Variants in HNF4G observed in about 807,000 individuals in gnomAD.
HNF4G encodes the protein hepatocyte nuclear factor 4-gamma.
In HNF4G, 21 loss-of-function variants were observed where a neutral mutation model predicts 50.9. The observed-to-expected ratio is 0.41, with a 90% CI of 0.29 to 0.59. The LOEUF (loss-of-function observed/expected upper bound fraction) is 0.59. HNF4G is among the 20% of genes least tolerant of loss of function. The probability of loss-of-function intolerance (pLI) is 0.26; values close to 1 mark genes in which losing one functional copy is unlikely to be tolerated. For missense variants in HNF4G, 527 were observed against 559.4 expected (o/e 0.94, Z 0.58); for synonymous variants, 198 against 185.6 (o/e 1.07, Z -0.54).
chr8:75,424,530 C>T (rs1475073142), intron 1 of HNF4G, among the ~76,000 whole-genome samples: 1 of 152,146 alleles, frequency 6.6e-6, no homozygotes, highest in Non-Finnish European at 1.5e-5. Context: ...TCAGCTCTTG[C>T]CCCTTTCTCT....
chr8:75,466,625 CTT>C lies in HNF4G; in HGVS notation c.-143-23463_-143-23462del, dbSNP rs1585868390. Among the ~76,000 whole-genome samples, 50 of 82,406 alleles carry C rather than the reference CTT, an allele frequency of 6.1e-4. 1 individual carries two copies. In the South Asian group the frequency reaches 0.011, roughly 19 times the overall value. 54.1% of individuals were successfully genotyped at this position (82,406 alleles called of 152,430 possible). On this transcript the variant is annotated intron_variant, in intron 1 of 10. Coordinates refer to the HNF4G transcript ENST00000354370. ...CCTTCCTTCCTTCCTTCCTTCCTTC[CTT>C]CCTTCCTTCTCCCTTCCCTTCCCTT...
intron 1 of HNF4G, among the ~76,000 whole-genome samples, chr8:75,420,924 G>C (rs1810761014): frequency 1.3e-5 from 2 of 152,294 alleles, no homozygotes; most frequent in Non-Finnish European, 2.9e-5. Context: ...TTTAGATTAA[G>C]ATATGATGAT....
intron 1 of HNF4G, among the ~76,000 whole-genome samples, chr8:75,484,624 T>A (rs1812455080): frequency 6.6e-6 from 1 of 152,222 alleles, no homozygotes; most frequent in African/African-American, 2.4e-5. Flanking sequence ...CTTCATGGTA[T>A]ATATTATGAT....
At chr8:75,544,105 C>T (rs1362632445) in intron 2 of HNF4G, 126 bp downstream of exon 2, 8 of 771,090 alleles carry the variant, frequency 1.0e-5, no homozygotes, top group East Asian at 2.6e-5. Context: ...CTCTAAACTG[C>T]GGTACAAGTA....
At chr8:75,503,043 T>C (rs1812972867) in intron 2 of HNF4G, among the ~76,000 whole-genome samples, 4 of 152,188 alleles carry the variant, frequency 2.6e-5, no homozygotes. Flanking sequence ...TCTACAAAAT[T>C]GTGAGATATT....
At chr8:75,452,096 T>G (rs557443715) in intron 1 of HNF4G, among the ~76,000 whole-genome samples, 1 of 152,316 alleles carries the variant, frequency 6.6e-6, no homozygotes, top group South Asian at 2.1e-4. Flanking sequence ...ACAAATCTTT[T>G]GCTGTGGAAG....
intron 2 of HNF4G, among the ~76,000 whole-genome samples, chr8:75,511,530 A>G (rs1407647529): frequency 6.6e-6 from 1 of 152,250 alleles, no homozygotes; most frequent in African/African-American, 2.4e-5. Flanking sequence ...AGATTAACTT[A>G]AGCAGTGTTG....
chr8:75,462,332 T>C (rs1811874360), intron 1 of HNF4G, among the ~76,000 whole-genome samples: 1 of 152,174 alleles, frequency 6.6e-6, no homozygotes, highest in South Asian at 2.1e-4. Flanking sequence ...TGTCACAGTA[T>C]CACAGTGATT....
At chr8:75,408,155 C>T (rs1451708689) in exon 1 of HNF4G, 1 of 153,552 alleles carries the variant, frequency 6.5e-6, no homozygotes, top group Non-Finnish European at 1.4e-5. Flanking sequence ...GGGAAGAAGG[C>T]GCTGGAGGTG....
chr8:75,526,769 CT>C (rs71273896), intron 2 of HNF4G, among the ~76,000 whole-genome samples: 61,685 of 144,988 alleles, frequency 0.43, 13,177 homozygotes, highest in Middle Eastern at 0.59. Flanking sequence ...AACAAGCATT[CT>C]TTTTTTTTTT....
intron 5 of HNF4G, among the ~76,000 whole-genome samples, chr8:75,555,687 T>G (rs1216411734): frequency 2.0e-5 from 3 of 151,782 alleles, no homozygotes; most frequent in Admixed American, 2.0e-4. Context: ...GGATTTGAAC[T>G]CTGGTCTGAT....
intron 1 of HNF4G, among the ~76,000 whole-genome samples, chr8:75,542,790 A>G (rs941375200): frequency 5.9e-5 from 9 of 152,206 alleles, no homozygotes; most frequent in African/African-American, 1.9e-4. Context: ...TAGGGCAGCA[A>G]GAATGGAAGG....
At chr8:75,512,321 A>C (rs1352249566) in intron 2 of HNF4G, among the ~76,000 whole-genome samples, 2 of 151,798 alleles carry the variant, frequency 1.3e-5, no homozygotes, top group African/African-American at 4.8e-5. Flanking sequence ...GATTGGTTTA[A>C]GTTATATTAA....
At position 75,553,167 on chromosome 8, in the gene HNF4G, T is replaced by C; in HGVS notation, c.615T>C (p.Pro205=). The C allele has an allele frequency of 1.2e-6, 2 of 1,613,000 alleles. No homozygotes were observed. The highest frequency in any genetic ancestry group is 2.7e-5 in the African/African-American group (2 of 74,994). Residue 205 remains proline (P), a synonymous_variant, in exon 5 of 10, where the codon CCT becomes CCC. Transcript: ENST00000396423. The part of the protein sequence containing the change: ...LVLVEWAKYI[P]AFCELPLDDQ... ...TGGTGGAATGGGCTAAATATATTCCTGCCTTCTGTGAATTACCATTGGATG... is the reference window on the plus strand; with the variant it reads ...TGGTGGAATGGGCTAAATATATTCCCGCCTTCTGTGAATTACCATTGGATG...
intron 8 of HNF4G, among the ~76,000 whole-genome samples, chr8:75,560,136 T>G (rs1460524890): frequency 1.3e-5 from 2 of 152,206 alleles, no homozygotes; most frequent in Non-Finnish European, 2.9e-5. Context: ...CACAGCATAA[T>G]ATGATGCAAC....
chr8:75,444,952 G>C (rs1158721429), intron 1 of HNF4G, among the ~76,000 whole-genome samples: 1,859 of 141,282 alleles, frequency 0.013, 17 homozygotes, highest in African/African-American at 0.039. Flanking sequence ...ACAGAACTCT[G>C]CACCCCAAAT....
At chr8:75,439,003 T>A (rs1349242786) in intron 1 of HNF4G, among the ~76,000 whole-genome samples, 1 of 152,098 alleles carries the variant, frequency 6.6e-6, no homozygotes, top group Non-Finnish European at 1.5e-5. Flanking sequence ...AGTTGCATAG[T>A]ACTGCACCGT....
At chr8:75,532,165 T>C (rs1423252569) in intron 2 of HNF4G, among the ~76,000 whole-genome samples, 1 of 152,090 alleles carries the variant, frequency 6.6e-6, no homozygotes, top group Non-Finnish European at 1.5e-5. Flanking sequence ...TACTTGGAAC[T>C]GCACATGTTA....
chr8:75,517,943 C>T (rs958822045), intron 2 of HNF4G, among the ~76,000 whole-genome samples: 2 of 151,932 alleles, frequency 1.3e-5, no homozygotes, highest in South Asian at 2.1e-4. Context: ...CATTTCCATA[C>T]ACCCGCTGAA....
Sources: allele counts gnomAD v4.1 joint callset (sites outside exome capture counted in the v4.1 genomes callset), GRCh38; gene constraint gnomAD v4.1.1; transcripts MANE v1.5; gene names NCBI Gene and HGNC (gene_info 2026-07-23, HGNC 2026-07-21).